RALGAPA2: variants seen among roughly 807,000 people sequenced by gnomAD.
RALGAPA2 encodes Ral GTPase activating protein catalytic subunit alpha 2.
RALGAPA2 carries 139 observed loss-of-function variants against 230.4 expected under a neutral mutation model. The observed-to-expected ratio is 0.60, with a 90% CI of 0.53 to 0.69. RALGAPA2 has a LOEUF of 0.69. Among genes scored for constraint, RALGAPA2 ranks in the 30% least tolerant of loss-of-function variants. RALGAPA2 has a pLI of 0.00. For missense variants in RALGAPA2, 2,163 were observed against 2,276.0 expected (o/e 0.95, Z 1.01); for synonymous variants, 847 against 837.8 (o/e 1.01, Z -0.19).
At chr20:20,522,155 A>G (rs116241989) in intron 30 of RALGAPA2, among the ~76,000 whole-genome samples, 37 of 152,304 alleles carry the variant, frequency 2.4e-4, no homozygotes, top group African/African-American at 8.7e-4. Flanking sequence ...ACTACTTTGG[A>G]AAATTATTTG....
At position 20,620,451 on chromosome 20, in the gene RALGAPA2, G is replaced by GAAAAAAATT; in HGVS notation, c.1401+3_1401+11dup. The GAAAAAAATT allele has an allele frequency of 6.2e-7, 1 of 1,611,916 alleles. No individual in the cohort carries two copies. On this transcript the variant is annotated intron_variant, in intron 11 of 39. Coordinates refer to ENST00000202677, the MANE Select transcript of RALGAPA2 (RefSeq NM_020343.4). ...TTTACCCTCAACTCAAAAGACAAGT[G>GAAAAAAATT]AAAAAAATTACCTCCTTGCTATCAG...
intron 38 of RALGAPA2, among the ~76,000 whole-genome samples, chr20:20,411,658 G>A (rs2060062124): frequency 2.0e-5 from 3 of 152,144 alleles, no homozygotes; most frequent in South Asian, 4.2e-4. Flanking sequence ...TAGTAGCAAC[G>A]GCTTCCACTG....
Position 20,512,609 on chromosome 20 carries a change from G to A in RALGAPA2, c.4760C>T (p.Thr1587Ile), listed in dbSNP as rs752450870. The A allele has an allele frequency of 4.7e-5, 76 of 1,613,840 alleles. No homozygotes were observed. The highest frequency in any genetic ancestry group is 6.4e-5 in the Non-Finnish European group (75 of 1,179,862). Residue 1587 changes from threonine to isoleucine, a missense_variant, in exon 32 of 40, where the codon ACC becomes ATC. Physicochemically the swap from Thr to Ile is moderately conservative, Grantham distance 89. Transcript: ENST00000202677. ...CACTGGGGAGGGCTGCCCTTGGCTG[G>A]TGACTTTCATTGCAGAATCGAAGTT... ...SHNFDSAMKV[T>I]SQGQPSPVEP...
chr20:20,467,383 C>A (rs1199405950), intron 37 of RALGAPA2, among the ~76,000 whole-genome samples: 1 of 152,228 alleles, frequency 6.6e-6, no homozygotes, highest in African/African-American at 2.4e-5. Context: ...AGGATCCATG[C>A]AACATTCCAA....
chr20:20,684,785 C>T (rs145454383), intron 1 of RALGAPA2, among the ~76,000 whole-genome samples: 371 of 152,314 alleles, frequency 2.4e-3, no homozygotes, highest in African/African-American at 8.8e-3. Context: ...GGCATGAAGG[C>T]AGAAATCTCA....
chr20:20,571,973 G>T, intron 21 of RALGAPA2, 27 bp from the exon 22 acceptor site: 1 of 1,492,508 alleles, frequency 6.7e-7, no homozygotes, highest in Non-Finnish European at 9.3e-7. Flanking sequence ...AGAATTTTAG[G>T]GTAGGTAACA....
intron 37 of RALGAPA2, among the ~76,000 whole-genome samples, chr20:20,470,523 C>T (rs1015650288): frequency 3.2e-4 from 49 of 152,070 alleles, no homozygotes; most frequent in African/African-American, 1.1e-3. Flanking sequence ...GAGTGTAGGG[C>T]CCATCATGCC....
At chr20:20,426,497 G>A (rs1023031952) in intron 37 of RALGAPA2, among the ~76,000 whole-genome samples, 2 of 152,194 alleles carry the variant, frequency 1.3e-5, no homozygotes, top group African/African-American at 4.8e-5. Flanking sequence ...GTTTGCTAAC[G>A]AGTCTCTGGC....
At chr20:20,408,324 C>T (rs1177557912) in intron 38 of RALGAPA2, among the ~76,000 whole-genome samples, 1 of 152,066 alleles carries the variant, frequency 6.6e-6, no homozygotes, top group African/African-American at 2.4e-5. Flanking sequence ...TAGCTGTGAC[C>T]GTAATAGTGA....
In RALGAPA2 at chr20:20,531,731, G is replaced by T; in HGVS notation, c.3538C>A (p.Pro1180Thr). 1.2e-6 allele frequency: 2 copies of T among 1,609,102 alleles called. No individual in the cohort carries two copies. The highest frequency in any genetic ancestry group is 1.3e-5 in the African/African-American group (1 of 75,000). ...CEELAQCTSHPQVKEAINVIG... is the reference protein window; with the variant it reads ...CEELAQCTSHTQVKEAINVIG... The stretch of plus-strand genomic sequence containing the variant: ...ACATTGATGGCCTCTTTCACCTGAG[G>T]GTGGCTTGTACACTGTGCAAGCTCT... The change falls in exon 27 of 40, where the codon CCT (proline) becomes ACT (threonine). Residue 1180 changes from proline to threonine, a missense_variant. By Grantham distance (38) the Pro-to-Thr change is conservative. Transcript: ENST00000202677.
intron 32 of RALGAPA2, among the ~76,000 whole-genome samples, chr20:20,511,654 C>T (rs776794469): frequency 1.3e-5 from 2 of 152,184 alleles, no homozygotes; most frequent in Non-Finnish European, 2.9e-5. Context: ...TTAAAAACTC[C>T]ACTCCACTAT....
chr20:20,659,635 A>C, intron 3 of RALGAPA2: 1 of 292,778 alleles, frequency 3.4e-6, no homozygotes, highest in Non-Finnish European at 6.6e-6. Context: ...TATATTCCTA[A>C]AACAACTAAC....
intron 15 of RALGAPA2, among the ~76,000 whole-genome samples, chr20:20,604,424 C>G (rs1251807578): frequency 6.6e-6 from 1 of 152,200 alleles, no homozygotes; most frequent in Non-Finnish European, 1.5e-5. Flanking sequence ...AAAATAGCTC[C>G]CATCTGAAGC....
At chr20:20,469,114 T>C (rs2061486167) in intron 37 of RALGAPA2, among the ~76,000 whole-genome samples, 1 of 152,160 alleles carries the variant, frequency 6.6e-6, no homozygotes, top group African/African-American at 2.4e-5. Context: ...ACATTTCTAT[T>C]CCTAGCGGCA....
chr20:20,681,639 T>C (rs2068525450), intron 1 of RALGAPA2, among the ~76,000 whole-genome samples: 1 of 152,154 alleles, frequency 6.6e-6, no homozygotes, highest in African/African-American at 2.4e-5. Flanking sequence ...ATTTACAGAG[T>C]ACTGACCAAG....
At chr20:20,417,250 T>C (rs1006363166) in intron 37 of RALGAPA2, among the ~76,000 whole-genome samples, 1 of 152,216 alleles carries the variant, frequency 6.6e-6, no homozygotes, top group Admixed American at 6.5e-5. Flanking sequence ...CTCCTTATGT[T>C]AGTTTTCTGT....
chr20:20,589,142 G>A, intron 18 of RALGAPA2, 126 bp downstream of exon 18: 1 of 1,239,662 alleles, frequency 8.1e-7, no homozygotes, highest in South Asian at 2.0e-5. Context: ...AACATCATTT[G>A]GGCCTATAAA....
intron 38 of RALGAPA2, among the ~76,000 whole-genome samples, chr20:20,405,114 C>A (rs989427502): frequency 1.1e-4 from 17 of 152,176 alleles, no homozygotes; most frequent in African/African-American, 3.9e-4. Context: ...TGGCAGGATG[C>A]TTAGTAGAAT....
intron 3 of RALGAPA2, among the ~76,000 whole-genome samples, chr20:20,669,064 C>G (rs1002066360): frequency 6.6e-6 from 1 of 152,178 alleles, no homozygotes; most frequent in Non-Finnish European, 1.5e-5. Context: ...ATCTGTTTAT[C>G]TGTGATTTCA....
Sources: gnomAD v4.1 joint callset for allele counts (sites outside exome capture counted in the v4.1 genomes callset) on GRCh38, gnomAD v4.1.1 for gene constraint, MANE v1.5 for transcripts, NCBI Gene and HGNC (gene_info 2026-07-23, HGNC 2026-07-21) for gene names.